The following DPP10 variants were observed in gnomAD, a reference collection of about 807,000 sequenced individuals.
The protein encoded by DPP10 is inactive dipeptidyl peptidase 10.
Under a neutral mutation model 120.9 loss-of-function variants are expected in DPP10, and 33 were observed. The observed-to-expected ratio is 0.27, with a 90% confidence interval of 0.21 to 0.37. The LOEUF (loss-of-function observed/expected upper bound fraction) is 0.37. DPP10 is among the 10% of genes least tolerant of loss of function. The pLI, the probability that DPP10 is intolerant of heterozygous loss-of-function variation, is 1.00. For synonymous variants in DPP10, 337 were observed against 326.1 expected, an observed-to-expected ratio of 1.03 and a Z score of -0.36; for missense variants, 816 against 942.8, an observed-to-expected ratio of 0.87 and a Z score of 1.76.
intron 1 of DPP10, among the ~76,000 whole-genome samples, chr2:115,011,104 C>T (rs1357812603): frequency 6.6e-6 from 1 of 152,172 alleles, no homozygotes; most frequent in African/African-American, 2.4e-5. Flanking sequence ...TATATGGTTA[C>T]TCATTTGGAA....
intron 1 of DPP10, among the ~76,000 whole-genome samples, chr2:114,668,468 C>G (rs552762038): frequency 6.0e-4 from 92 of 152,276 alleles, no homozygotes; most frequent in Non-Finnish European, 1.2e-3. Flanking sequence ...TCTACTGATT[C>G]AAATGCTAAC....
At chr2:114,798,635 C>T (rs1683917842) in intron 1 of DPP10, among the ~76,000 whole-genome samples, 1 of 152,086 alleles carries the variant, frequency 6.6e-6, no homozygotes, top group African/African-American at 2.4e-5. Flanking sequence ...GGAGGGCAGG[C>T]ACCCTTAAAG....
chr2:115,392,536 A>G lies in DPP10; in HGVS notation c.271+48624A>G, dbSNP rs554804389. On this transcript the variant is annotated intron_variant, in intron 3 of 25. Transcript: ENST00000410059. ...CTCATCCTCTTAATATCACATATAT[A>G]TAACTAATATTTTTAAGAGCATAAG... 3.3e-5 allele frequency among the ~76,000 whole-genome samples: 5 copies of G among 152,286 alleles called. No individual in the cohort carries two copies. The East Asian group carries it at 9.6e-4, about 29-fold the overall frequency.
chr2:115,459,938 T>TATATATATATACACACACAC (rs66927327), intron 3 of DPP10, among the ~76,000 whole-genome samples: 37 of 128,526 alleles, frequency 2.9e-4, no homozygotes, highest in Admixed American at 1.1e-3. Flanking sequence ...TATATATATA[T>TATATATATATACACACACAC]ACACACACAC....
intron 5 of DPP10, among the ~76,000 whole-genome samples, chr2:115,612,357 T>C (rs553427970): frequency 1.3e-5 from 2 of 152,310 alleles, no homozygotes; most frequent in South Asian, 4.1e-4. Context: ...AGCAGTGCTT[T>C]AGTTTAATGT....
At chr2:115,491,749 T>G (rs189048099) in intron 3 of DPP10, among the ~76,000 whole-genome samples, 2 of 152,236 alleles carry the variant, frequency 1.3e-5, no homozygotes, top group African/African-American at 2.4e-5. Flanking sequence ...CACTTTGGAT[T>G]TAGGTGGCTT....
At chr2:114,634,130 C>A (rs761939021) in intron 1 of DPP10, among the ~76,000 whole-genome samples, 2 of 151,872 alleles carry the variant, frequency 1.3e-5, no homozygotes. Flanking sequence ...TCTGCATGGT[C>A]TTATCAATTA....
At chr2:114,881,396 G>C (rs1412664529) in intron 1 of DPP10, among the ~76,000 whole-genome samples, 1 of 152,006 alleles carries the variant, frequency 6.6e-6, no homozygotes, top group Admixed American at 6.6e-5. Context: ...TGAGCCATTT[G>C]AACACCTTAT....
intron 1 of DPP10, among the ~76,000 whole-genome samples, chr2:115,265,943 CAAAAAAAAA>C (rs397985556): frequency 7.7e-5 from 6 of 78,356 alleles, no homozygotes; most frequent in African/African-American, 3.0e-4. Context: ...GACTCTATTT[CAAAAAAAAA>C]AAAAAAAAAT....
At chr2:115,214,978 T>C (rs1197881683) in intron 1 of DPP10, among the ~76,000 whole-genome samples, 2 of 152,180 alleles carry the variant, frequency 1.3e-5, no homozygotes, top group East Asian at 3.8e-4. Context: ...TCTTTGTTGT[T>C]GATAGGACAC....
At chr2:114,746,156 C>T (rs188479654) in intron 1 of DPP10, among the ~76,000 whole-genome samples, 38 of 152,214 alleles carry the variant, frequency 2.5e-4, no homozygotes, top group African/African-American at 8.4e-4. Context: ...CACAGCTGAC[C>T]CTCTTTCCTA....
intron 1 of DPP10, among the ~76,000 whole-genome samples, chr2:114,468,798 C>T (rs1052508605): frequency 1.3e-5 from 2 of 152,096 alleles, no homozygotes; most frequent in South Asian, 4.1e-4. Context: ...TTAAAGGGGG[C>T]TTCTGAATAC....
At chr2:115,177,749 G>GTTCTGT (rs2053790781) in intron 1 of DPP10, among the ~76,000 whole-genome samples, 1 of 112,888 alleles carries the variant, frequency 8.9e-6, no homozygotes, top group South Asian at 2.6e-4. Flanking sequence ...CTTTTGTTTT[G>GTTCTGT]TTTTGTTTTT....
intron 5 of DPP10, among the ~76,000 whole-genome samples, chr2:115,549,341 C>A (rs745827040): frequency 9.9e-5 from 15 of 152,152 alleles, no homozygotes; most frequent in Non-Finnish European, 1.8e-4. Context: ...CAGTCCAACA[C>A]CCTTTGTCCT....
chr2:115,623,857 G>A (rs896257314), intron 5 of DPP10, among the ~76,000 whole-genome samples: 3 of 151,844 alleles, frequency 2.0e-5, no homozygotes, highest in African/African-American at 7.3e-5. Context: ...AGGGCTCCAC[G>A]AAACATTTTC....
chr2:114,600,963 C>G (rs2105225621), intron 1 of DPP10, among the ~76,000 whole-genome samples: 1 of 151,866 alleles, frequency 6.6e-6, no homozygotes, highest in Middle Eastern at 3.4e-3. Flanking sequence ...AGAGTTGATG[C>G]CAAAGACAGA....
chr2:114,831,850 T>TAAA (rs34281601), intron 1 of DPP10, among the ~76,000 whole-genome samples: 4 of 105,194 alleles, frequency 3.8e-5, no homozygotes, highest in East Asian at 2.7e-4. Flanking sequence ...TCTCTTTAAT[T>TAAA]AAAAAAAATA....
intron 1 of DPP10, among the ~76,000 whole-genome samples, chr2:114,663,652 T>TAG (rs1558980704): frequency 2.2e-5 from 2 of 90,846 alleles, no homozygotes; most frequent in South Asian, 3.4e-4. Flanking sequence ...TATATATATA[T>TAG]ATATATATAT....
intron 1 of DPP10, among the ~76,000 whole-genome samples, chr2:114,927,555 A>G (rs898656620): frequency 1.3e-5 from 2 of 152,092 alleles, no homozygotes; most frequent in African/African-American, 4.8e-5. Flanking sequence ...TGTGTTTCTC[A>G]TAAGTCTTTC....
Sources: allele counts gnomAD v4.1 joint callset (sites outside exome capture counted in the v4.1 genomes callset), GRCh38; gene constraint gnomAD v4.1.1; transcripts MANE v1.5; gene names NCBI Gene and HGNC (gene_info 2026-07-23, HGNC 2026-07-21).